Variants in POF1B observed in about 807,000 individuals in gnomAD.
The protein encoded by POF1B is POF1B actin binding protein, also known as protein POF1B.
A neutral mutation model predicts 55.3 loss-of-function variants in POF1B; 53 were observed. The observed-to-expected ratio is 0.96, with a 90% confidence interval of 0.77 to 1.20. The LOEUF is 1.20. Among genes scored for constraint, POF1B ranks in the 50% most tolerant of loss-of-function variants. The pLI is 0.00. For synonymous variants in POF1B, 188 were observed against 148.3 expected (o/e 1.27, Z -1.95); for missense variants, 478 against 420.5 (o/e 1.14, Z -1.20).
At chrX:85,336,971 G>A (rs1033354820) in intron 6 of POF1B, among the ~76,000 whole-genome samples, 1 of 111,473 alleles carries the variant, frequency 9.0e-6, no homozygotes, top group Admixed American at 9.6e-5. Context: ...TTTTATTCTT[G>A]TATATGGTGA....
At chrX:85,351,551 T>C (rs1262854579) in intron 4 of POF1B, 100 bp from the exon 5 acceptor site, 3 of 533,127 alleles carry the variant, frequency 5.6e-6, no homozygotes, top group Non-Finnish European at 9.3e-6. Context: ...TCTGAAGTAC[T>C]GGCTGACCTT....
intron 15 of POF1B, among the ~76,000 whole-genome samples, chrX:85,301,607 C>T (rs1932458387): frequency 1.8e-5 from 2 of 110,837 alleles, no homozygotes; most frequent in Admixed American, 1.9e-4. Flanking sequence ...GGTAACTATA[C>T]AGGTAAATAT....
intron 6 of POF1B, among the ~76,000 whole-genome samples, chrX:85,341,536 A>T (rs953533866): frequency 5.4e-5 from 6 of 111,151 alleles, no homozygotes; most frequent in Non-Finnish European, 7.6e-5. Context: ...CAGATAAGGT[A>T]GTGTTGGGAA....
intron 16 of POF1B, 92 bp from the exon 17 acceptor site, chrX:85,279,518 G>A (rs2095934192): frequency 3.3e-6 from 3 of 911,391 alleles, no homozygotes; most frequent in African/African-American, 2.0e-5. Flanking sequence ...ATTTAAATTG[G>A]TATGTATAAA....
At chrX:85,354,511 C>T (rs16980215) in intron 4 of POF1B, among the ~76,000 whole-genome samples, 1,902 of 110,657 alleles carry the variant, frequency 0.017, 36 homozygotes, top group African/African-American at 0.059. Context: ...AAATGATGAA[C>T]GGTCATTCCC....
chrX:85,379,264 T>C lies in POF1B; in HGVS notation c.191A>G (p.Gln64Arg), dbSNP rs139495523. 3.6e-4 allele frequency: 433 copies of C among 1,208,340 alleles called. 1 individual carries two copies. In the African/African-American group the frequency reaches 6.5e-3, roughly 18 times the overall value. The change falls in exon 2 of 17, where the codon CAG (glutamine) becomes CGG (arginine). Residue 64 changes from glutamine to arginine, a missense_variant. Coordinates refer to ENST00000262753, the MANE Select transcript of POF1B (RefSeq NM_024921.4). ...CCGTGAGTTGAAGGGGTCCAAGGCC[T>C]GCACCACCTTGTTCATGGGCCCACT... ...TYSGPMNKVVQALDPFNSREV... is the reference protein window; with the variant it reads ...TYSGPMNKVVRALDPFNSREV...
chrX:85,370,567 C>T (rs1283530579), intron 2 of POF1B, among the ~76,000 whole-genome samples: 1 of 111,567 alleles, frequency 9.0e-6, no homozygotes, highest in Non-Finnish European at 1.9e-5. Flanking sequence ...AGGGGGAAAA[C>T]CTCTCTGAAA....
chrX:85,346,350 T>C (rs1231434048), intron 5 of POF1B, among the ~76,000 whole-genome samples: 1 of 110,257 alleles, frequency 9.1e-6, no homozygotes, highest in East Asian at 2.8e-4. Context: ...TGAATATTAA[T>C]ATTAATATTA....
intron 4 of POF1B, among the ~76,000 whole-genome samples, chrX:85,358,137 C>T (rs1318050011): frequency 9.0e-6 from 1 of 111,418 alleles, no homozygotes; most frequent in Non-Finnish European, 1.9e-5. Context: ...GCAAGTTACG[C>T]TTATTCAAAC....
At chrX:85,324,579 C>G (rs1932876789) in intron 7 of POF1B, among the ~76,000 whole-genome samples, 1 of 111,215 alleles carries the variant, frequency 9.0e-6, no homozygotes. Context: ...TTCTCCATCT[C>G]TTTATTTTGA....
At chrX:85,377,407 G>T (rs1331400822) in intron 2 of POF1B, among the ~76,000 whole-genome samples, 1 of 112,074 alleles carries the variant, frequency 8.9e-6, no homozygotes, top group Non-Finnish European at 1.9e-5. Context: ...ATCCAACTCA[G>T]TTTGAAAATT....
chrX:85,304,611 A>G, intron 13 of POF1B, 140 bp from the exon 14 acceptor site: 1 of 291,644 alleles, frequency 3.4e-6, no homozygotes, highest in Non-Finnish European at 5.6e-6. Flanking sequence ...ACGTTCGAAG[A>G]ATTTCATGAG....
At chrX:85,359,489 C>A (rs375514148) in intron 4 of POF1B, 61 bp downstream of exon 4, 16 of 849,485 alleles carry the variant, frequency 1.9e-5, no homozygotes, top group Non-Finnish European at 2.4e-5. Context: ...ACTGATTAAG[C>A]CTTTTTGTTT....
At chrX:85,280,167 T>G (rs6653050) in intron 16 of POF1B, among the ~76,000 whole-genome samples, 35,876 of 110,616 alleles carry the variant, frequency 0.32, 6,566 homozygotes, top group African/African-American at 0.69. Context: ...GGGCTTCAGC[T>G]CTAAAGAAAC....
intron 16 of POF1B, among the ~76,000 whole-genome samples, chrX:85,281,171 TG>T (rs1931888095): frequency 9.8e-6 from 1 of 102,020 alleles, no homozygotes; most frequent in Non-Finnish European, 2.0e-5. Flanking sequence ...GTACTGAACA[TG>T]TACAGACTTT....
At position 85,361,423 on chromosome X, in the gene POF1B, C is replaced by T. The variant is rs1479628078; in HGVS notation, c.358-1793G>A. 1.3e-4 allele frequency among the ~76,000 whole-genome samples: 14 copies of T among 111,758 alleles called. No individual in the cohort carries two copies. The Admixed American group carries it at 1.3e-3, about 11-fold the overall frequency. On this transcript the variant is annotated intron_variant, in intron 3 of 16. Transcript: ENST00000262753. ...GAAGGGGTCCAGTTTCAATCTTCTG[C>T]ATATGGCTAGCCAGTTATCCCAGCT...
At position 85,288,612 on chromosome X, in the gene POF1B, C is replaced by G. The variant is rs181654304; in HGVS notation, c.1650-6295G>C. ...CTTGAATTGTATCTCCCAGAATTCCCACGTGTTGTGGGAGAGAACCAGGGG... is the reference window on the plus strand; with the variant it reads ...CTTGAATTGTATCTCCCAGAATTCCGACGTGTTGTGGGAGAGAACCAGGGG... On this transcript the variant is annotated intron_variant, in intron 15 of 16. Transcript: ENST00000262753. Among the ~76,000 whole-genome samples, 125 of 111,582 alleles carry G rather than the reference C, an allele frequency of 1.1e-3. 1 individual carries two copies. The highest frequency in any genetic ancestry group is 3.9e-3 in the African/African-American group (121 of 30,735).
chrX:85,307,443 T>A lies in POF1B; in HGVS notation c.1051-167A>T, dbSNP rs1932600635. ...TAAGAAAATACGGGATAGGAAATGA[T>A]TGAAACTTCTAAAACCTTCATTGAA... On this transcript the variant is annotated intron_variant, in intron 10 of 16. Transcript: ENST00000262753. 3.6e-5 allele frequency among the ~76,000 whole-genome samples: 4 copies of A among 112,225 alleles called. No individual in the cohort carries two copies. In the South Asian group the frequency reaches 1.1e-3, roughly 30 times the overall value.
At chrX:85,350,772 C>T (rs1264843971) in intron 5 of POF1B, among the ~76,000 whole-genome samples, 3 of 111,148 alleles carry the variant, frequency 2.7e-5, no homozygotes, top group Non-Finnish European at 5.7e-5. Context: ...AAATGCAAAT[C>T]AAAACCACAA....
Sources: allele counts gnomAD v4.1 joint callset (sites outside exome capture counted in the v4.1 genomes callset), GRCh38; gene constraint gnomAD v4.1.1; transcripts MANE v1.5; gene names NCBI Gene and HGNC (gene_info 2026-07-23, HGNC 2026-07-21).